The following INTS9 variants were observed in gnomAD, a reference collection of about 807,000 sequenced individuals.
INTS9 encodes the protein protein related to CPSF subunits of 74 kDa.
Under a neutral mutation model 79.7 loss-of-function variants are expected in INTS9, and 55 were observed. The ratio of observed to expected loss-of-function variants is 0.69; its 90% CI spans 0.56 to 0.86. The LOEUF is 0.86. INTS9 is among the 40% of genes least tolerant of loss of function. The pLI is 0.00. For missense variants in INTS9, 721 were observed against 831.5 expected, an observed-to-expected ratio of 0.87 and a Z score of 1.64; for synonymous variants, 319 against 325.2, an observed-to-expected ratio of 0.98 and a Z score of 0.20.
intron 14 of INTS9, among the ~76,000 whole-genome samples, chr8:28,775,478 G>C (rs1802811649): frequency 1.3e-5 from 2 of 152,142 alleles, no homozygotes; most frequent in African/African-American, 4.8e-5. Flanking sequence ...TGGGATTACA[G>C]ATGCGTGCCA....
At chr8:28,799,935 T>C (rs1804429104) in intron 8 of INTS9, among the ~76,000 whole-genome samples, 1 of 152,160 alleles carries the variant, frequency 6.6e-6, no homozygotes, top group Admixed American at 6.5e-5. Context: ...AGGAACTTAA[T>C]ACTCAATTTC....
rs1310693027 is a variant in INTS9 at position 28,768,309 on chromosome 8, TCA to T, written c.1812_1813del (p.Ser604ArgfsTer3). Reference sequence around the variant, plus strand: ...CTTGGCTGTGTCCTCCACCTTAATATCACTGAAGCCATGCTGCTCCAGAAGAA... The same window carrying T: ...CTTGGCTGTGTCCTCCACCTTAATATCTGAAGCCATGCTGCTCCAGAAGAA... On this transcript the variant is annotated frameshift_variant, in exon 17 of 17. Coordinates refer to ENST00000521022, the MANE Select transcript of INTS9 (RefSeq NM_018250.4). LOFTEE classifies it high-confidence loss of function. 4 of 1,613,528 alleles carry T rather than the reference TCA, an allele frequency of 2.5e-6. No individual in the cohort carries two copies.
intron 6 of INTS9, among the ~76,000 whole-genome samples, chr8:28,820,229 T>G (rs1352713583): frequency 1.2e-4 from 19 of 152,252 alleles, no homozygotes; most frequent in Non-Finnish European, 2.5e-4. Context: ...CGTTAGTTGA[T>G]GCAGTTTCTT....
At chr8:28,769,577 A>G (rs1802407145) in intron 16 of INTS9, 2 of 219,192 alleles carry the variant, frequency 9.1e-6, no homozygotes, top group East Asian at 1.1e-4. Context: ...AGACTCTGGC[A>G]GGGCCGGGTC....
In INTS9 at chr8:28,813,554, T is replaced by A. The variant is rs756608165; in HGVS notation, c.547A>T (p.Thr183Ser). The A allele has an allele frequency of 6.2e-7, 1 of 1,613,776 alleles. No individual in the cohort carries two copies. Among genetic ancestry groups the A allele is most frequent in the Admixed American group, 1.7e-5 (1 of 60,024 alleles). Residue 183 changes from threonine to serine, a missense_variant, in exon 7 of 17, where the codon ACA (threonine) becomes TCA (serine). Physicochemically the swap from Thr to Ser is moderately conservative, Grantham distance 58. Coordinates refer to ENST00000521022, the MANE Select transcript of INTS9 (RefSeq NM_018250.4). ...AGGGCAGAGTTCACCTCTTGCATTGTATAGCATCTTCTCCAGGTTGAGACT... is the reference window on the plus strand; with the variant it reads ...AGGGCAGAGTTCACCTCTTGCATTGAATAGCATCTTCTCCAGGTTGAGACT... ...VEVSTWRRCY[T>S]MQEVNSALSK... is the part of the protein sequence containing the mutation.
chr8:28,786,336 C>A (rs986682211), intron 11 of INTS9, among the ~76,000 whole-genome samples: 8 of 151,294 alleles, frequency 5.3e-5, no homozygotes, highest in Non-Finnish European at 7.4e-5. Context: ...GACTGGTGTG[C>A]AGTAAGTAGC....
At chr8:28,790,876 C>T (rs1347613467) in intron 10 of INTS9, among the ~76,000 whole-genome samples, 1 of 152,218 alleles carries the variant, frequency 6.6e-6, no homozygotes, top group Non-Finnish European at 1.5e-5. Context: ...GGACAAGTTT[C>T]ACCTGCACAT....
At chr8:28,794,567 T>C (rs966269016) in intron 9 of INTS9, among the ~76,000 whole-genome samples, 1 of 152,190 alleles carries the variant, frequency 6.6e-6, no homozygotes, top group Non-Finnish European at 1.5e-5. Context: ...TCGCTGGTCA[T>C]AGCTCAAGAG....
At chr8:28,839,044 G>T (rs961113913) in intron 4 of INTS9, among the ~76,000 whole-genome samples, 1 of 152,154 alleles carries the variant, frequency 6.6e-6, no homozygotes, top group Non-Finnish European at 1.5e-5. Context: ...CCACCGTGGA[G>T]GAGCTAACCC....
chr8:28,847,742 A>G (rs1357825568), intron 3 of INTS9, among the ~76,000 whole-genome samples: 2 of 152,162 alleles, frequency 1.3e-5, no homozygotes, highest in Non-Finnish European at 2.9e-5. Context: ...GGTAGTTTAT[A>G]TGGGAGGTGC....
intron 6 of INTS9, among the ~76,000 whole-genome samples, chr8:28,832,995 A>T (rs1285428789): frequency 6.6e-6 from 1 of 152,074 alleles, no homozygotes; most frequent in Non-Finnish European, 1.5e-5. Flanking sequence ...CTACCTACCT[A>T]TCTACCTATT....
In INTS9 at chr8:28,776,445, T is replaced by G. The variant is rs555556061; in HGVS notation, c.1396-519A>C. Among the ~76,000 whole-genome samples, 201 of 149,030 alleles carry G rather than the reference T, an allele frequency of 1.3e-3. 1 individual carries two copies. Among genetic ancestry groups the G allele is most frequent in the South Asian group, 6.8e-3 (32 of 4,720 alleles). ...AGGCAGAGTTTTTTTTTTTTGTTTT[T>G]TTTTTTAAACAAAATGTCTCTTTTT... On this transcript the variant is annotated intron_variant, in intron 13 of 16. Transcript: ENST00000521022.
At chr8:28,796,225 G>A (rs977616368) in intron 9 of INTS9, among the ~76,000 whole-genome samples, 1 of 152,166 alleles carries the variant, frequency 6.6e-6, no homozygotes, top group Non-Finnish European at 1.5e-5. Context: ...CAGGAGAACT[G>A]CTTGAACCCA....
chr8:28,853,148 C>T (rs753549240), intron 2 of INTS9, among the ~76,000 whole-genome samples: 18 of 152,134 alleles, frequency 1.2e-4, no homozygotes, highest in Non-Finnish European at 2.2e-4. Context: ...GGCATGGTGG[C>T]CCATGCCTAT....
intron 4 of INTS9, among the ~76,000 whole-genome samples, chr8:28,845,425 T>C (rs1051156396): frequency 1.3e-5 from 2 of 152,126 alleles, no homozygotes; most frequent in Non-Finnish European, 2.9e-5. Flanking sequence ...CCTGAAAAAA[T>C]GTATATGGCT....
At chr8:28,782,019 T>A (rs115137929) in intron 11 of INTS9, among the ~76,000 whole-genome samples, 1,561 of 152,234 alleles carry the variant, frequency 0.01, 21 homozygotes, top group African/African-American at 0.036. Context: ...ACTGCGTGTG[T>A]GGGGCAGGGG....
rs147377569 is a variant in INTS9 at position 28,880,296 on chromosome 8, CCT to C, written c.9+9576_9+9577del. The stretch of plus-strand genomic sequence containing the variant: ...TCCCTCTCTCTCCCTCCACGGTCTC[CCT>C]CTGATGCCGAGCCAAAGCTGGACGG... On this transcript the variant is annotated intron_variant, in intron 1 of 16. Transcript: ENST00000521022. 5.7e-3 allele frequency among the ~76,000 whole-genome samples: 855 copies of C among 149,480 alleles called. 5 individuals are homozygous for C. The highest frequency in any genetic ancestry group is 0.02 in the African/African-American group (830 of 40,570).
intron 1 of INTS9, among the ~76,000 whole-genome samples, chr8:28,882,318 G>A (rs1202121774): frequency 8.7e-5 from 10 of 114,788 alleles, no homozygotes; most frequent in South Asian, 5.0e-4. Context: ...CAAACACTGC[G>A]GAAGGCCGAA....
chr8:28,876,808 T>C (rs144731404), intron 1 of INTS9, among the ~76,000 whole-genome samples: 2 of 152,164 alleles, frequency 1.3e-5, no homozygotes, highest in Non-Finnish European at 2.9e-5. Flanking sequence ...TAAATAGCCT[T>C]CTTATATGAA....
Sources: gnomAD v4.1 joint callset for allele counts (sites outside exome capture counted in the v4.1 genomes callset) on GRCh38, gnomAD v4.1.1 for gene constraint, MANE v1.5 for transcripts, NCBI Gene and HGNC (gene_info 2026-07-23, HGNC 2026-07-21) for gene names.